The following ZNF717 variants were observed in gnomAD, a reference collection of about 807,000 sequenced individuals.
ZNF717 encodes zinc finger protein 717.
ZNF717 carries 9 observed loss-of-function variants against 13.8 expected under a neutral mutation model. The observed-to-expected ratio is 0.65, with a 90% confidence interval of 0.39 to 1.14. The LOEUF (loss-of-function observed/expected upper bound fraction) is 1.14, where lower values mean the gene tolerates loss of function less well. Among genes scored for constraint, ZNF717 ranks in the 50% most tolerant of loss-of-function variants. The pLI is 0.01. For missense variants in ZNF717, 1,040 were observed against 1,080.7 expected, an observed-to-expected ratio of 0.96 and a Z score of 0.53; for synonymous variants, 327 against 364.1, an observed-to-expected ratio of 0.90 and a Z score of 1.16.
intron 5 of ZNF717, among the ~76,000 whole-genome samples, chr3:75,715,888 C>G (rs78740461): frequency 0.036 from 5,518 of 152,154 alleles, 116 homozygotes; most frequent in South Asian, 0.062. Context: ...AAAATATGAG[C>G]CATAATATAT....
At chr3:75,696,183 A>G (rs1937600556) in intron 6 of ZNF717, among the ~76,000 whole-genome samples, 1 of 152,312 alleles carries the variant, frequency 6.6e-6, no homozygotes, top group Non-Finnish European at 1.5e-5. Context: ...ACTATCAGCA[A>G]TTGTGTGCCA....
intron 2 of ZNF717, among the ~76,000 whole-genome samples, chr3:75,766,559 G>T (rs972584602): frequency 3.3e-5 from 5 of 152,134 alleles, no homozygotes; most frequent in Non-Finnish European, 7.4e-5. Context: ...AAAAACAACA[G>T]AACGAAAGCA....
At chr3:75,766,790 C>G (rs78553413) in intron 2 of ZNF717, among the ~76,000 whole-genome samples, 1 of 151,798 alleles carries the variant, frequency 6.6e-6, no homozygotes, top group African/African-American at 2.4e-5. Context: ...AGTATGTTGT[C>G]TCAACACTTG....
chr3:75,703,632 T>C (rs115074208), intron 6 of ZNF717, among the ~76,000 whole-genome samples: 73 of 152,364 alleles, frequency 4.8e-4, no homozygotes, highest in African/African-American at 1.7e-3. Flanking sequence ...ATATTAACTA[T>C]CATTTTGTTT....
chr3:75,749,885 C>T (rs977258891), intron 2 of ZNF717, among the ~76,000 whole-genome samples: 1 of 152,034 alleles, frequency 6.6e-6, no homozygotes, highest in Non-Finnish European at 1.5e-5. Context: ...GTTTGTCCCT[C>T]ACATAGGATT....
chr3:75,755,759 ATG>A (rs1483039718), intron 2 of ZNF717, among the ~76,000 whole-genome samples: 1 of 152,286 alleles, frequency 6.6e-6, no homozygotes, highest in East Asian at 1.9e-4. Flanking sequence ...GACAGGGAAA[ATG>A]TAGTCATCTA....
At chr3:75,778,909 T>C (rs1219446012) in intron 2 of ZNF717, among the ~76,000 whole-genome samples, 2 of 150,334 alleles carry the variant, frequency 1.3e-5, no homozygotes, top group Non-Finnish European at 3.0e-5. Context: ...GGGAGTGCTG[T>C]GCTAAAACCG....
downstream of ZNF717, among the ~76,000 whole-genome samples, chr3:75,725,641 G>A (rs1201814089): frequency 6.6e-6 from 1 of 152,210 alleles, no homozygotes; most frequent in African/African-American, 2.4e-5. Context: ...TGGCTGGGGA[G>A]ACCTCACAAT....
chr3:75,746,284 T>C lies in ZNF717; in HGVS notation c.58-4548A>G, dbSNP rs1286599558. On this transcript the variant is annotated intron_variant, in intron 2 of 4. Transcript: ENST00000652011. ...AATCCAGTCTATCATTGTTGGACAT[T>C]TGGACATTTCAGTTGGTTCCAAGTC... Among the ~76,000 whole-genome samples the C allele has an allele frequency of 1.4e-4, 21 of 152,192 alleles. 2 individuals are homozygous for C. Among genetic ancestry groups the C allele is most frequent in the Admixed American group, 1.1e-3 (17 of 15,270 alleles).
At chr3:75,769,232 C>T (rs1243295380) in intron 2 of ZNF717, among the ~76,000 whole-genome samples, 1 of 152,130 alleles carries the variant, frequency 6.6e-6, no homozygotes, top group Non-Finnish European at 1.5e-5. Context: ...TCTGCCTGGG[C>T]CTCTTGGACA....
chr3:75,737,018 G>A lies in ZNF717; in HGVS notation c.2605C>T (p.Pro869Ser), dbSNP rs1316856053. The A allele has an allele frequency of 1.3e-5, 21 of 1,600,988 alleles. No individual in the cohort carries two copies. The Admixed American group carries it at 3.7e-4, about 28-fold the overall frequency. ...IHQRTHTGEK[P>S]YECKECGKTF... is the part of the protein sequence containing the mutation. Reference sequence around the variant, plus strand: ...TTCCCACATTCCTTACATTCATAAGGTTTTTCTCCTGTGTGTGTTCTCTGA... The same window carrying A: ...TTCCCACATTCCTTACATTCATAAGATTTTTCTCCTGTGTGTGTTCTCTGA... Residue 869 changes from proline to serine, a missense_variant, in exon 5 of 5, where the codon CCT becomes TCT. Physicochemically the swap from Pro to Ser is moderately conservative, Grantham distance 74. Transcript: ENST00000652011.
chr3:75,745,467 A>G (rs1941057570), intron 2 of ZNF717, among the ~76,000 whole-genome samples: 1 of 152,124 alleles, frequency 6.6e-6, no homozygotes, highest in South Asian at 2.1e-4. Flanking sequence ...TCGCATAGCT[A>G]TCATTTTTCT....
At chr3:75,783,450 T>C in intron 1 of ZNF717, 86 bp from the exon 2 acceptor site, 1 of 1,080,310 alleles carries the variant, frequency 9.3e-7, no homozygotes, top group South Asian at 1.5e-5. Context: ...TCTAGACACA[T>C]TACCTGGAAA....
rs200767888 is a variant in ZNF717 at position 75,730,499 on chromosome 3, G to A, written c.*114C>T. Reference sequence around the variant, plus strand: ...ATTTGGAAAAATAAAAGAACAATATGATGGCCAGAAGTGATACAGACTTGG... The same window carrying A: ...ATTTGGAAAAATAAAAGAACAATATAATGGCCAGAAGTGATACAGACTTGG... On this transcript the variant is annotated 3_prime_UTR_variant, in exon 6 of 6. Transcript: ENST00000477374. 8.6e-5 allele frequency: 44 copies of A among 511,436 alleles called. No individual in the cohort carries two copies. The South Asian group carries it at 1.2e-3, about 13-fold the overall frequency. The allele number at this position is 511,436 out of a possible 1,614,324, so 31.7% of individuals were successfully genotyped here. A position where few individuals can be genotyped will look rare whatever the true frequency, so the allele number is the denominator to read the frequency against.
chr3:75,724,190 C>G (rs1575724004), intron 4 of ZNF717, among the ~76,000 whole-genome samples: 1 of 152,052 alleles, frequency 6.6e-6, no homozygotes, highest in South Asian at 2.1e-4. Flanking sequence ...GCCCCCTTGC[C>G]TTGTATCCAA....
chr3:75,718,147 C>T (rs1238095871), intron 4 of ZNF717, among the ~76,000 whole-genome samples: 1 of 152,176 alleles, frequency 6.6e-6, no homozygotes, highest in Non-Finnish European at 1.5e-5. Flanking sequence ...GTTACACAGC[C>T]AGGGGACAAC....
chr3:75,772,586 C>G (rs987654988), intron 2 of ZNF717, among the ~76,000 whole-genome samples: 8 of 152,172 alleles, frequency 5.3e-5, no homozygotes, highest in African/African-American at 1.9e-4. Flanking sequence ...TCACAGGAAG[C>G]TGGCACCTGT....
At chr3:75,704,339 A>G (rs1937757372) in intron 6 of ZNF717, among the ~76,000 whole-genome samples, 1 of 152,420 alleles carries the variant, frequency 6.6e-6, no homozygotes, top group Admixed American at 6.5e-5. Flanking sequence ...TTCCAGCAAC[A>G]TCTTTCGGCA....
At chr3:75,725,645 T>G (rs1482038706), downstream of ZNF717, among the ~76,000 whole-genome samples, 1 of 152,164 alleles carries the variant, frequency 6.6e-6, no homozygotes, top group South Asian at 2.1e-4. Context: ...TGGGGAGACC[T>G]CACAATCATG....
Sources: allele counts gnomAD v4.1 joint callset (sites outside exome capture counted in the v4.1 genomes callset), GRCh38; gene constraint gnomAD v4.1.1; transcripts MANE v1.5; gene names NCBI Gene and HGNC (gene_info 2026-07-23, HGNC 2026-07-21).